The following DPY30 variants were observed in gnomAD, a reference collection of about 807,000 sequenced individuals.
The protein encoded by DPY30 is dpy-30 histone methyltransferase complex regulatory subunit, also known as protein dpy-30 homolog.
In DPY30, 6 loss-of-function variants were observed where a neutral mutation model predicts 16.2. The observed-to-expected ratio is 0.37, with a 90% confidence interval of 0.20 to 0.73. The LOEUF is 0.73. DPY30 is among the 30% of genes least tolerant of loss of function. The pLI is 0.51. For missense variants in DPY30, 73 were observed against 113.1 expected, an observed-to-expected ratio of 0.65 and a Z score of 1.61; for synonymous variants, 39 against 38.8, an observed-to-expected ratio of 1.00 and a Z score of -0.02.
intron 3 of DPY30, among the ~76,000 whole-genome samples, chr2:32,032,073 T>A (rs1455530411): frequency 6.6e-6 from 1 of 152,082 alleles, no homozygotes; most frequent in African/African-American, 2.4e-5. Context: ...TTAATTTTAT[T>A]TTGGTAAAAG....
At chr2:32,019,535 C>T (rs1317654458), downstream of DPY30, among the ~76,000 whole-genome samples, 2 of 151,492 alleles carry the variant, frequency 1.3e-5, no homozygotes. Context: ...ATAGTATTGG[C>T]AGGGGGTGGT....
downstream of DPY30, chr2:32,023,739 A>T: frequency 7.7e-7 from 1 of 1,304,578 alleles, no homozygotes; most frequent in Non-Finnish European, 1.0e-6. Flanking sequence ...TCCAGAAACA[A>T]TGCTGAGAAA....
chr2:32,035,645 A>G (rs1196234752), intron 3 of DPY30, among the ~76,000 whole-genome samples: 1 of 151,286 alleles, frequency 6.6e-6, no homozygotes, highest in Non-Finnish European at 1.5e-5. Flanking sequence ...AGAAAAAAGC[A>G]TAAGTAGGCC....
At chr2:32,026,393 G>A (rs890439460) in intron 4 of DPY30, among the ~76,000 whole-genome samples, 1 of 151,856 alleles carries the variant, frequency 6.6e-6, no homozygotes, top group African/African-American at 2.4e-5. Context: ...CTGGATGACA[G>A]AGCGAGAACT....
At chr2:32,019,815 C>A (rs1265226136), downstream of DPY30, among the ~76,000 whole-genome samples, 1 of 119,182 alleles carries the variant, frequency 8.4e-6, no homozygotes. Context: ...AGCAAAACTC[C>A]GTCTCAAAAA....
In DPY30 at chr2:32,039,802, C is replaced by G; in HGVS notation, c.-106G>C. The G allele has an allele frequency of 2.7e-6, 1 of 365,826 alleles. No individual in the cohort carries two copies. Among genetic ancestry groups the G allele is most frequent in the Admixed American group, 4.2e-5 (1 of 24,020 alleles). 22.7% of individuals were successfully genotyped at this position (365,826 alleles called of 1,614,324 possible). Reference sequence around the variant, plus strand: ...CAGCTCCCAGCACAAACAGCTCCGGCCGTAAGTGACGGCTGTCGCACGACT... The same window carrying G: ...CAGCTCCCAGCACAAACAGCTCCGGGCGTAAGTGACGGCTGTCGCACGACT... On this transcript the variant is annotated 5_prime_UTR_variant, in exon 1 of 5. Coordinates refer to ENST00000342166, the MANE Select transcript of DPY30 (RefSeq NM_001321209.2).
chr2:32,012,372 C>CAA (rs973647761), intron 5 of DPY30, among the ~76,000 whole-genome samples: 4 of 108,062 alleles, frequency 3.7e-5, no homozygotes, highest in African/African-American at 1.4e-4. Flanking sequence ...TAATATGCAA[C>CAA]AAAAAAAAAA....
chr2:32,029,640 C>T lies in DPY30; in HGVS notation c.181G>A (p.Val61Ile). The T allele has an allele frequency of 6.2e-7, 1 of 1,613,878 alleles. No individual in the cohort carries two copies. The highest frequency in any genetic ancestry group is 8.5e-7 in the Non-Finnish European group (1 of 1,180,000). Residue 61 changes from valine to isoleucine, a missense_variant, in exon 4 of 5, where the codon GTT becomes ATT. Coordinates refer to ENST00000342166, the MANE Select transcript of DPY30 (RefSeq NM_001321209.2). The part of the protein sequence containing the change: ...LPTRAYLDQT[V>I]VPILLQGLAV... ...AGTCCCTGTAATAAGATAGGCACAA[C>T]TGTCTGATCCAGGTAGGCACGAGTT...
intron 3 of DPY30, among the ~76,000 whole-genome samples, chr2:32,037,306 A>C (rs544688811): frequency 2.0e-5 from 3 of 151,964 alleles, no homozygotes; most frequent in Admixed American, 1.3e-4. Context: ...TTTAAAGTAC[A>C]TATCTTTTTT....
chr2:32,015,695 C>T (rs1172677041), intron 5 of DPY30, among the ~76,000 whole-genome samples: 1 of 151,806 alleles, frequency 6.6e-6, no homozygotes, highest in Non-Finnish European at 1.5e-5. Context: ...AACAAATTAG[C>T]CTGACATAGT....
At chr2:32,022,983 TTAAGA>T (rs971135011), downstream of DPY30, among the ~76,000 whole-genome samples, 4 of 152,172 alleles carry the variant, frequency 2.6e-5, no homozygotes, top group African/African-American at 9.6e-5. Context: ...CTATTCATTG[TTAAGA>T]TGTTTCAGCA....
intron 5 of DPY30, among the ~76,000 whole-genome samples, chr2:32,017,387 C>T (rs1157871335): frequency 2.6e-5 from 4 of 151,632 alleles, no homozygotes; most frequent in African/African-American, 9.7e-5. Context: ...GAGGCCAAGG[C>T]GGGCAGATCA....
chr2:32,014,735 G>A (rs1421811918), intron 5 of DPY30, among the ~76,000 whole-genome samples: 15 of 151,326 alleles, frequency 9.9e-5, no homozygotes, highest in South Asian at 4.2e-4. Context: ...TGCCCGCCTC[G>A]GCCTCCCAAA....
intron 5 of DPY30, among the ~76,000 whole-genome samples, chr2:32,014,004 G>GAGAAAGAA (rs1289351327): frequency 1.4e-5 from 2 of 146,168 alleles, no homozygotes; most frequent in South Asian, 4.8e-4. Context: ...GCAAGACTCT[G>GAGAAAGAA]AGAAAGAAAG....
chr2:32,022,598 A>C (rs1200841839), downstream of DPY30, among the ~76,000 whole-genome samples: 2 of 151,760 alleles, frequency 1.3e-5, no homozygotes, highest in Non-Finnish European at 2.9e-5. Flanking sequence ...GCTCACTGCA[A>C]CCTCTGCCTC....
intron 5 of DPY30, among the ~76,000 whole-genome samples, chr2:32,016,168 GGA>G (rs1242453300): frequency 1.3e-5 from 2 of 152,102 alleles, no homozygotes; most frequent in African/African-American, 2.4e-5. Flanking sequence ...GCAAGTGCTG[GGA>G]TTACAAGTGT....
At chr2:32,026,732 G>T (rs556991312) in intron 4 of DPY30, among the ~76,000 whole-genome samples, 1 of 151,890 alleles carries the variant, frequency 6.6e-6, no homozygotes, top group South Asian at 2.1e-4. Context: ...AGGTTGCAGT[G>T]AGCTGACATC....
intron 3 of DPY30, 27 bp downstream of exon 3, chr2:32,039,252 A>T (rs1485782407): frequency 2.5e-6 from 4 of 1,614,180 alleles, no homozygotes; most frequent in Non-Finnish European, 2.5e-6. Flanking sequence ...GACAACACAG[A>T]TGAGGCATAG....
intron 4 of DPY30, among the ~76,000 whole-genome samples, chr2:32,024,845 TAATTTAAGTC>T (rs1178718359): frequency 1.3e-5 from 2 of 148,416 alleles, no homozygotes; most frequent in African/African-American, 5.1e-5. Context: ...TTTCTTCGAA[TAATTTAAGTC>T]AATAATTCTA....
Sources: allele counts gnomAD v4.1 joint callset (sites outside exome capture counted in the v4.1 genomes callset), GRCh38; gene constraint gnomAD v4.1.1; transcripts MANE v1.5; gene names NCBI Gene and HGNC (gene_info 2026-07-23, HGNC 2026-07-21).